KIAA1328: variants seen among roughly 807,000 people sequenced by gnomAD.
KIAA1328 encodes the protein protein hinderin.
A neutral mutation model predicts 68.1 loss-of-function variants in KIAA1328; 52 were observed. That is an observed-to-expected ratio of 0.76 (90% confidence interval 0.61 to 0.96). The LOEUF is 0.96. KIAA1328 is among the 40% of genes least tolerant of loss of function. The probability of loss-of-function intolerance (pLI) is 0.00; values close to 1 mark genes in which losing one functional copy is unlikely to be tolerated. For synonymous variants in KIAA1328, 232 were observed against 239.4 expected, an observed-to-expected ratio of 0.97 and a Z score of 0.28; for missense variants, 641 against 677.6, an observed-to-expected ratio of 0.95 and a Z score of 0.60.
At chr18:36,874,265 T>G (rs748237396) in intron 4 of KIAA1328, among the ~76,000 whole-genome samples, 40 of 152,340 alleles carry the variant, frequency 2.6e-4, no homozygotes, top group South Asian at 1.9e-3. Flanking sequence ...ATCGCCACGC[T>G]GTCTTCCACA....
At chr18:36,999,790 C>A (rs1479004935) in intron 6 of KIAA1328, among the ~76,000 whole-genome samples, 4 of 151,804 alleles carry the variant, frequency 2.6e-5, no homozygotes, top group African/African-American at 9.7e-5. Context: ...AAGTGACAGA[C>A]GAACATTTAT....
At chr18:36,845,912 G>A (rs1443265602) in intron 4 of KIAA1328, among the ~76,000 whole-genome samples, 2 of 151,352 alleles carry the variant, frequency 1.3e-5, no homozygotes, top group Admixed American at 6.6e-5. Flanking sequence ...TTCTTTTTTT[G>A]TAATTTCTTT....
At chr18:36,890,032 TTTTG>T (rs1010078650) in intron 5 of KIAA1328, among the ~76,000 whole-genome samples, 2 of 152,240 alleles carry the variant, frequency 1.3e-5, no homozygotes, top group Non-Finnish European at 2.9e-5. Flanking sequence ...GTTGTGGTTT[TTTTG>T]TTTGTTTGTT....
chr18:36,872,974 T>G (rs2047998244), intron 4 of KIAA1328, among the ~76,000 whole-genome samples: 1 of 152,218 alleles, frequency 6.6e-6, no homozygotes, highest in Admixed American at 6.5e-5. Context: ...GTGACTGTAT[T>G]GAAGCATCAA....
chr18:37,057,992 T>TA (rs1325342476), intron 6 of KIAA1328, among the ~76,000 whole-genome samples: 1 of 152,102 alleles, frequency 6.6e-6, no homozygotes, highest in Non-Finnish European at 1.5e-5. Flanking sequence ...AAGATAGTCA[T>TA]AGGTAAAGAG....
intron 5 of KIAA1328, among the ~76,000 whole-genome samples, chr18:36,909,758 A>T (rs1021160727): frequency 6.6e-6 from 1 of 152,180 alleles, no homozygotes; most frequent in Non-Finnish European, 1.5e-5. Context: ...CCAACAGTGT[A>T]AAAGTGTTCC....
intron 5 of KIAA1328, among the ~76,000 whole-genome samples, chr18:36,893,440 TG>T (rs1248219936): frequency 1.8e-4 from 25 of 135,398 alleles, no homozygotes; most frequent in Admixed American, 1.8e-3. Flanking sequence ...GCTATTTGTG[TG>T]TGTGTGTGTG....
intron 4 of KIAA1328, among the ~76,000 whole-genome samples, chr18:36,879,599 A>T (rs2048261922): frequency 6.6e-6 from 1 of 152,176 alleles, no homozygotes; most frequent in African/African-American, 2.4e-5. Flanking sequence ...AGCAGGCAGG[A>T]ATCTTTAAGT....
chr18:37,145,220 GA>G (rs954824543), intron 7 of KIAA1328, among the ~76,000 whole-genome samples: 22 of 146,594 alleles, frequency 1.5e-4, no homozygotes, highest in African/African-American at 3.5e-4. Context: ...AATAAAGAAA[GA>G]AAAAAAAAAG....
chr18:37,170,929 T>C (rs1460142478), intron 8 of KIAA1328, among the ~76,000 whole-genome samples: 1 of 152,140 alleles, frequency 6.6e-6, no homozygotes, highest in Non-Finnish European at 1.5e-5. Flanking sequence ...CCGGGAGCAG[T>C]TATTACCTAC....
chr18:37,032,958 A>T (rs544944403), intron 6 of KIAA1328, among the ~76,000 whole-genome samples: 17 of 152,140 alleles, frequency 1.1e-4, no homozygotes, highest in Non-Finnish European at 2.2e-4. Flanking sequence ...TTTTAAATAA[A>T]TGATATTCTG....
Position 36,908,444 on chromosome 18 carries a change from A to G in KIAA1328, c.448+22772A>G, listed in dbSNP as rs1262131681. 3.9e-5 allele frequency among the ~76,000 whole-genome samples: 6 copies of G among 152,230 alleles called. No homozygotes were observed. The East Asian group carries it at 5.8e-4, about 15-fold the overall frequency. ...CAACTCTAGCTCACTCGCTCAAGCAATCCTCTCGCCTCAGCCTCCCAAGTA... is the reference window on the plus strand; with the variant it reads ...CAACTCTAGCTCACTCGCTCAAGCAGTCCTCTCGCCTCAGCCTCCCAAGTA... On this transcript the variant is annotated intron_variant, in intron 5 of 9. Transcript: ENST00000280020.
chr18:37,069,575 A>G (rs1301425773), intron 7 of KIAA1328, among the ~76,000 whole-genome samples: 2 of 152,094 alleles, frequency 1.3e-5, no homozygotes, highest in Admixed American at 6.6e-5. Flanking sequence ...TCTGGAAGAG[A>G]TTGTGTAGAA....
intron 4 of KIAA1328, among the ~76,000 whole-genome samples, chr18:36,847,299 G>A (rs2047060970): frequency 6.6e-6 from 1 of 151,456 alleles, no homozygotes; most frequent in Non-Finnish European, 1.5e-5. Flanking sequence ...TGTTAAGTGT[G>A]TCTATAACTT....
chr18:36,874,100 G>A (rs2048040070), intron 4 of KIAA1328, among the ~76,000 whole-genome samples: 2 of 152,276 alleles, frequency 1.3e-5, no homozygotes, highest in African/African-American at 2.4e-5. Context: ...ATGGGCATTT[G>A]GGTTGGTTCC....
At chr18:36,922,988 C>T (rs981598649) in intron 5 of KIAA1328, among the ~76,000 whole-genome samples, 1 of 151,958 alleles carries the variant, frequency 6.6e-6, no homozygotes, top group East Asian at 1.9e-4. Context: ...AGTATTCCTC[C>T]ATGTCAATAA....
At chr18:36,980,282 T>C (rs1038705495) in intron 6 of KIAA1328, among the ~76,000 whole-genome samples, 1 of 152,182 alleles carries the variant, frequency 6.6e-6, no homozygotes, top group African/African-American at 2.4e-5. Flanking sequence ...TTATAGCCAG[T>C]GCAGGGCAAT....
At chr18:37,110,902 T>A (rs564843919) in intron 7 of KIAA1328, among the ~76,000 whole-genome samples, 148 of 152,298 alleles carry the variant, frequency 9.7e-4, no homozygotes, top group African/African-American at 3.5e-3. Flanking sequence ...TACATTGAAC[T>A]CAACTATATT....
chr18:37,125,506 C>A (rs1482952118), intron 7 of KIAA1328, among the ~76,000 whole-genome samples: 1 of 151,770 alleles, frequency 6.6e-6, no homozygotes, highest in Non-Finnish European at 1.5e-5. Context: ...AAGTTAGAAG[C>A]AGAAATCAAT....
Sources: gnomAD v4.1 joint callset for allele counts (sites outside exome capture counted in the v4.1 genomes callset) on GRCh38, gnomAD v4.1.1 for gene constraint, MANE v1.5 for transcripts, NCBI Gene and HGNC (gene_info 2026-07-23, HGNC 2026-07-21) for gene names.